THBS3: variants seen among roughly 807,000 people sequenced by gnomAD.
THBS3 encodes the protein thrombospondin 3.
In THBS3, 78 loss-of-function variants were observed where a neutral mutation model predicts 118.3. That is an observed-to-expected ratio of 0.66 (90% CI 0.55 to 0.80). The LOEUF (loss-of-function observed/expected upper bound fraction) is 0.80. THBS3 is among the 30% of genes least tolerant of loss of function. The pLI is 0.00. For synonymous variants in THBS3, 427 were observed against 475.3 expected (o/e 0.90, Z 1.32); for missense variants, 1,057 against 1,247.4 (o/e 0.85, Z 2.30).
In THBS3 at chr1:155,198,344, G is replaced by T. The variant is rs573275537; in HGVS notation, c.2074+65C>A. ...CTTGCCCTTCCTCACTTCCCAACAG[G>T]GCTTGCTGCCTCCACCTGGGCAAAG... On this transcript the variant is annotated intron_variant, in intron 17 of 22. Transcript: ENST00000368378. 3.2e-5 allele frequency: 51 copies of T among 1,590,036 alleles called. No individual in the cohort carries two copies. The Admixed American group carries it at 3.4e-4, about 11-fold the overall frequency.
intron 14 of THBS3, 76 bp from the exon 15 acceptor site, chr1:155,200,189 A>G: frequency 1.5e-6 from 2 of 1,347,314 alleles, no homozygotes; most frequent in Non-Finnish European, 2.0e-6. Context: ...AAAGTCCCGA[A>G]CTTTGTCTCC....
chr1:155,208,768 G>A (rs1052880669), upstream of THBS3: 6 of 1,440,724 alleles, frequency 4.2e-6, no homozygotes, highest in Non-Finnish European at 5.5e-6. Context: ...GACAGGCGGC[G>A]CAGGGCCCGC....
At chr1:155,208,858 G>T (rs1670913857), upstream of THBS3, 1 of 1,606,890 alleles carries the variant, frequency 6.2e-7, no homozygotes, top group African/African-American at 1.3e-5. Flanking sequence ...GCCCCAAGGG[G>T]CCCTGGAGCA....
chr1:155,203,456 C>T lies in THBS3; in HGVS notation c.673+57G>A, dbSNP rs151272892. On this transcript the variant is annotated intron_variant, in intron 5 of 22. Coordinates refer to ENST00000368378, the MANE Select transcript of THBS3 (RefSeq NM_007112.5). ...AAGAGGACTTAGTTTCAGGCAGCTG[C>T]CAGAGCCTGGGGCCTCCTCCCCGCT... The T allele has an allele frequency of 1.4e-4, 220 of 1,608,278 alleles. 2 individuals carry two copies. In the East Asian group the frequency reaches 4.3e-3, roughly 32 times the overall value.
At position 155,197,353 on chromosome 1, in the gene THBS3, C is replaced by T. The variant is rs1668843349; in HGVS notation, c.2499+110G>A. 2 of 1,526,232 alleles carry T rather than the reference C, an allele frequency of 1.3e-6. No individual in the cohort carries two copies. The highest frequency in any genetic ancestry group is 3.6e-5 in the Admixed American group (2 of 56,186). The allele number at this position is 1,526,232 out of a possible 1,614,324, so 94.5% of individuals were successfully genotyped here. On this transcript the variant is annotated intron_variant, in intron 20 of 22. Coordinates refer to ENST00000368378, the MANE Select transcript of THBS3 (RefSeq NM_007112.5). The surrounding 1 kb of genome is among the most constrained non-coding windows in gnomAD (Gnocchi z 5.0). ...GGCCCCAGAGAGCCGGCCTCCAAGC[C>T]AGATGTCTGGGTAAGAGGGTTCCCA... is the stretch of plus-strand genomic sequence containing the variant.
At chr1:155,208,776 C>G (rs754450710), upstream of THBS3, 2 of 1,472,324 alleles carry the variant, frequency 1.4e-6, no homozygotes, top group East Asian at 2.6e-5. Context: ...GCGCAGGGCC[C>G]GCTCCAAACA....
chr1:155,196,256 A>G, intron 21 of THBS3, 130 bp from the exon 22 acceptor site: 1 of 1,135,650 alleles, frequency 8.8e-7, no homozygotes, highest in South Asian at 1.5e-5. Flanking sequence ...GAAGGGAGGG[A>G]GGGAAAGGGA....
upstream of THBS3, chr1:155,208,971 C>G: frequency 6.2e-7 from 1 of 1,607,336 alleles, no homozygotes; most frequent in Non-Finnish European, 8.5e-7. Context: ...CGGGGCTCCA[C>G]TTGGACGAGG....
In THBS3 at chr1:155,206,040, A is replaced by G. The variant is rs1670495898; in HGVS notation, c.286+160T>C. Among the ~76,000 whole-genome samples the G allele has an allele frequency of 6.6e-6, 1 of 152,180 alleles. No homozygotes were observed. Among genetic ancestry groups the G allele is most frequent in the Non-Finnish European group, 1.5e-5 (1 of 68,022 alleles). On this transcript the variant is annotated intron_variant, in intron 2 of 22. Coordinates refer to ENST00000368378, the MANE Select transcript of THBS3 (RefSeq NM_007112.5). The surrounding 1 kb of genome is among the most constrained non-coding windows in gnomAD (Gnocchi z 4.2). Reference sequence around the variant, plus strand: ...TACATGGGCTCCTAAAGCACCTTATAAGCACCCCATACCAGGTGCCCCTGA... The same window carrying G: ...TACATGGGCTCCTAAAGCACCTTATGAGCACCCCATACCAGGTGCCCCTGA...
chr1:155,196,988 G>A, intron 21 of THBS3, 53 bp downstream of exon 21: 1 of 1,570,064 alleles, frequency 6.4e-7, no homozygotes, highest in Non-Finnish European at 8.7e-7. Flanking sequence ...CAGCTAAAGA[G>A]GAAGGACAGG....
Position 155,204,950 on chromosome 1 carries a change from A to G in THBS3, c.551T>C (p.Val184Ala). Residue 184 changes from valine (V) to alanine (A), a missense_variant, in exon 4 of 23, where the codon GTG becomes GCG. Val to Ala is a moderately conservative substitution (Grantham distance 64, BLOSUM62 0). Coordinates refer to ENST00000368378, the MANE Select transcript of THBS3 (RefSeq NM_007112.5). ...ACCCAGAATAATTTTCATAGATTCC[A>G]CAAAGCCCTGGGGGGATAGCAGCAG... ...QKAYLRMQGF[V>A]ESMKIILGGS... is the part of the protein sequence containing the mutation. 1 of 1,613,954 alleles carries G rather than the reference A, an allele frequency of 6.2e-7. No homozygotes were observed. The highest frequency in any genetic ancestry group is 8.5e-7 in the Non-Finnish European group (1 of 1,180,026).
At chr1:155,204,999 C>A (rs1208208847) in intron 3 of THBS3, 42 bp from the exon 4 acceptor site, 5 of 1,613,202 alleles carry the variant, frequency 3.1e-6, no homozygotes, top group Non-Finnish European at 4.2e-6. Flanking sequence ...GGTCTACCAA[C>A]CCCTTCCCCA....
intron 21 of THBS3, 150 bp from the exon 22 acceptor site, chr1:155,196,276 G>A: frequency 1.0e-6 from 1 of 959,008 alleles, no homozygotes; most frequent in Non-Finnish European, 1.5e-6. Context: ...AGGCAGGAAG[G>A]AGAGGGAAGG....
Position 155,195,635 on chromosome 1 carries a change from G to T in THBS3, c.*206C>A. On this transcript the variant is annotated 3_prime_UTR_variant, in exon 23 of 23. Transcript: ENST00000368378. ...TGGCAATGTGCTGTCATCTTTCCTGGGGTTAGTGCCTGAGTAATACCCCTT... is the reference window on the plus strand; with the variant it reads ...TGGCAATGTGCTGTCATCTTTCCTGTGGTTAGTGCCTGAGTAATACCCCTT... The T allele has an allele frequency of 3.5e-6, 2 of 571,864 alleles. No individual in the cohort carries two copies. Among genetic ancestry groups the T allele is most frequent in the East Asian group, 2.9e-5 (1 of 34,196 alleles). 35.4% of individuals were successfully genotyped at this position (571,864 alleles called of 1,614,324 possible). A position where few individuals can be genotyped will look rare whatever the true frequency, so the allele number is the denominator to read the frequency against.
chr1:155,199,724 C>T, intron 16 of THBS3, 80 bp downstream of exon 16: 2 of 1,520,044 alleles, frequency 1.3e-6, no homozygotes, highest in Non-Finnish European at 9.1e-7. Context: ...CACTGTACTC[C>T]AGCCTAGGTG....
intron 14 of THBS3, 95 bp from the exon 15 acceptor site, chr1:155,200,208 A>G: frequency 8.3e-7 from 1 of 1,200,508 alleles, no homozygotes; most frequent in Non-Finnish European, 1.2e-6. Context: ...CCCCACCCAG[A>G]GGACAACTGG....
Position 155,202,241 on chromosome 1 carries a change from C to G in THBS3, c.1098+20G>C, listed in dbSNP as rs1431353004. Reference sequence around the variant, plus strand: ...CTACAAGGCCAAGATCCCTTGTCCACACACACTACCCAGTCTGACCTGTTT... The same window carrying G: ...CTACAAGGCCAAGATCCCTTGTCCAGACACACTACCCAGTCTGACCTGTTT... On this transcript the variant is annotated intron_variant, in intron 9 of 22. Coordinates refer to ENST00000368378, the MANE Select transcript of THBS3 (RefSeq NM_007112.5). This position sits in a 1 kb window ranked among gnomAD's most constrained non-coding sequence, Gnocchi z 5.5. 2 of 1,610,958 alleles carry G rather than the reference C, an allele frequency of 1.2e-6. No individual in the cohort carries two copies. Among genetic ancestry groups the G allele is most frequent in the South Asian group, 2.2e-5 (2 of 90,784 alleles).
chr1:155,203,662 T>C (rs1488247468), intron 4 of THBS3, 123 bp from the exon 5 acceptor site: 23 of 1,235,666 alleles, frequency 1.9e-5, no homozygotes, highest in African/African-American at 7.4e-5. Context: ...AAAGATGGGG[T>C]GCTGGATGCT....
chr1:155,200,499 C>A lies in THBS3; in HGVS notation c.1660G>T (p.Asp554Tyr). 1 of 1,614,206 alleles carries A rather than the reference C, an allele frequency of 6.2e-7. No homozygotes were observed. The highest frequency in any genetic ancestry group is 8.5e-7 in the Non-Finnish European group (1 of 1,180,050). The part of the protein sequence containing the change: ...NVPNNDQKDT[D>Y]GNGEGDACDN... ...CAGGCATCTCCTTCCCCATTGCCAT[C>A]TGTGTCCTTCTGGTCATTGTTGGGA... Residue 554 changes from aspartate to tyrosine, a missense_variant, in exon 14 of 23, where the codon GAT (aspartate) becomes TAT (tyrosine). Physicochemically the swap from Asp to Tyr is radical, Grantham distance 160. Coordinates refer to ENST00000368378, the MANE Select transcript of THBS3 (RefSeq NM_007112.5).
Sources: allele counts gnomAD v4.1 joint callset (sites outside exome capture counted in the v4.1 genomes callset), GRCh38; gene constraint gnomAD v4.1.1; non-coding constraint Gnocchi (gnomAD v3.1); transcripts MANE v1.5; gene names NCBI Gene and HGNC (gene_info 2026-07-23, HGNC 2026-07-21).